The following TRIM35 variants were observed in gnomAD, a reference collection of about 807,000 sequenced individuals.
The protein encoded by TRIM35 is tripartite motif containing 35, also known as E3 ubiquitin-protein ligase TRIM35.
In TRIM35, 37 loss-of-function variants were observed where a neutral mutation model predicts 49.1. The observed-to-expected ratio is 0.75, with a 90% CI of 0.58 to 0.99. The LOEUF (loss-of-function observed/expected upper bound fraction) is 0.99. Ranked by LOEUF, TRIM35 falls within the 50% of genes least tolerant of loss-of-function variation. The probability of loss-of-function intolerance (pLI) is 0.00; values close to 1 mark genes in which losing one functional copy is unlikely to be tolerated. For missense variants in TRIM35, 648 were observed against 702.7 expected (o/e 0.92, Z 0.88); for synonymous variants, 302 against 289.3 (o/e 1.04, Z -0.45).
Position 27,289,140 on chromosome 8 carries a change from A to G in TRIM35, c.904+22T>C, listed in dbSNP as rs753133130. 3 of 1,601,848 alleles carry G rather than the reference A, an allele frequency of 1.9e-6. No individual in the cohort carries two copies. The African/African-American group carries it at 4.0e-5, about 21-fold the overall frequency. On this transcript the variant is annotated intron_variant, in intron 5 of 5. Transcript: ENST00000305364. ...AAGGGCTTCCACCCATGCTTGGGAC[A>G]CCTGCCGGCACCCCCGCTCACCAGA...
chr8:27,294,441 A>G (rs1035617301), intron 2 of TRIM35, 131 bp from the exon 3 acceptor site: 5 of 855,494 alleles, frequency 5.8e-6, no homozygotes, highest in Non-Finnish European at 8.7e-6. Context: ...CAGATAAAAT[A>G]TCAACATAAT....
chr8:27,286,012 T>C lies in TRIM35; in HGVS notation c.*1538A>G. The C allele has an allele frequency of 4.5e-6, 2 of 447,870 alleles. No homozygotes were observed. Among genetic ancestry groups the C allele is most frequent in the South Asian group, 3.2e-5 (2 of 63,488 alleles). The allele number at this position is 447,870 out of a possible 1,614,324, so 27.7% of individuals were successfully genotyped here. ...ATCTAACCAGTGTACACAACATATT[T>C]ATAACCAATTAATACGTGTGAGTCA... On this transcript the variant is annotated 3_prime_UTR_variant, in exon 6 of 6. Transcript: ENST00000305364.
At chr8:27,303,452 T>G (rs1483877639) in intron 1 of TRIM35, among the ~76,000 whole-genome samples, 1 of 152,194 alleles carries the variant, frequency 6.6e-6, no homozygotes, top group Non-Finnish European at 1.5e-5. Flanking sequence ...TGAATGCATC[T>G]AAACAATATT....
At chr8:27,296,329 A>G (rs539415912) in intron 2 of TRIM35, among the ~76,000 whole-genome samples, 53 of 152,182 alleles carry the variant, frequency 3.5e-4, no homozygotes, top group Non-Finnish European at 6.0e-4. Flanking sequence ...CTCCCCAGTA[A>G]TTCTTATCAC....
Position 27,287,470 on chromosome 8 carries a change from G to A in TRIM35, c.*80C>T. ...GGCAAGGAGGCAGGGGCGCAATAGT[G>A]CCCAAGCAGTGTGGGCATTAGGAAG... On this transcript the variant is annotated 3_prime_UTR_variant, in exon 6 of 6. Coordinates refer to ENST00000305364, the MANE Select transcript of TRIM35 (RefSeq NM_171982.5). The surrounding 1 kb of genome is among the most constrained non-coding windows in gnomAD (Gnocchi z 6.0). 34 of 1,417,330 alleles carry A rather than the reference G, an allele frequency of 2.4e-5. No homozygotes were observed. Among genetic ancestry groups the A allele is most frequent in the Non-Finnish European group, 3.1e-5 (33 of 1,060,954 alleles). The allele number at this position is 1,417,330 out of a possible 1,614,324, so 87.8% of individuals were successfully genotyped here.
At chr8:27,290,910 G>A (rs1224245005) in intron 3 of TRIM35, among the ~76,000 whole-genome samples, 2 of 151,844 alleles carry the variant, frequency 1.3e-5, no homozygotes, top group Admixed American at 6.6e-5. Context: ...TATAAAAACA[G>A]GCACTGAGAT....
chr8:27,288,726 C>T (rs759546375), intron 5 of TRIM35, among the ~76,000 whole-genome samples: 7 of 152,194 alleles, frequency 4.6e-5, no homozygotes, highest in Non-Finnish European at 7.3e-5. Flanking sequence ...TTAACACTCA[C>T]ACGACCAAGG....
chr8:27,295,129 A>G (rs1255379947), intron 2 of TRIM35, among the ~76,000 whole-genome samples: 1 of 152,198 alleles, frequency 6.6e-6, no homozygotes, highest in Non-Finnish European at 1.5e-5. Context: ...CAGCCTCACA[A>G]AAAGTTTTTT....
chr8:27,305,144 G>C (rs1194542362), intron 1 of TRIM35, among the ~76,000 whole-genome samples: 1 of 152,256 alleles, frequency 6.6e-6, no homozygotes. Flanking sequence ...GCTTACATGA[G>C]AGTGGCAGGC....
intron 1 of TRIM35, among the ~76,000 whole-genome samples, chr8:27,309,256 T>C (rs1206738341): frequency 6.6e-6 from 1 of 152,152 alleles, no homozygotes; most frequent in East Asian, 1.9e-4. Flanking sequence ...CCATGATCCC[T>C]CCTTTACCTG....
rs1302184138 is a variant in TRIM35 at position 27,286,183 on chromosome 8, A to G, written c.*1367T>C. On this transcript the variant is annotated 3_prime_UTR_variant, in exon 6 of 6. Coordinates refer to ENST00000305364, the MANE Select transcript of TRIM35 (RefSeq NM_171982.5). ...CTTTTATGATGCCACTTCCTGGGAC[A>G]TGATGAGCTGAAGATTAAAAACTCT... 2 of 456,314 alleles carry G rather than the reference A, an allele frequency of 4.4e-6. No homozygotes were observed. The highest frequency in any genetic ancestry group is 8.8e-6 in the Non-Finnish European group (2 of 226,962). The allele number at this position is 456,314 out of a possible 1,614,324, so 28.3% of individuals were successfully genotyped here.
chr8:27,291,058 CAAAAAA>C (rs56953962), intron 3 of TRIM35, among the ~76,000 whole-genome samples: 2 of 50,620 alleles, frequency 4.0e-5, no homozygotes, highest in Admixed American at 2.0e-4. Context: ...TGTTGACATG[CAAAAAA>C]AAAAAAAAAA....
At position 27,287,573 on chromosome 8, in the gene TRIM35, C is replaced by T. The variant is rs546952156; in HGVS notation, c.1459G>A (p.Val487Ile). 6.3e-7 allele frequency: 1 copy of T among 1,593,714 alleles called. No individual in the cohort carries two copies. Among genetic ancestry groups the T allele is most frequent in the Admixed American group, 1.7e-5 (1 of 57,796 alleles). The change falls in exon 6 of 6, where the codon GTC becomes ATC. Residue 487 changes from valine to isoleucine, a missense_variant. Val to Ile is a conservative substitution (Grantham distance 29). Transcript: ENST00000305364. The surrounding 1 kb of genome is among the most constrained non-coding windows in gnomAD (Gnocchi z 6.0). The part of the protein sequence containing the change: ...PLRICPLHIS[V>I]KEELDG ...GCTCAGCCATCCAGTTCTTCCTTGA[C>T]ACTGATGTGCAAGGGGCAGATGCGC...
intron 1 of TRIM35, among the ~76,000 whole-genome samples, chr8:27,306,419 G>A (rs538925765): frequency 4.8e-4 from 72 of 150,250 alleles, no homozygotes; most frequent in African/African-American, 1.5e-3. Context: ...TCCATCTCCC[G>A]GGTTTAAGCG....
At position 27,294,187 on chromosome 8, in the gene TRIM35, G is replaced by T; in HGVS notation, c.655C>A (p.Leu219Met). Residue 219 changes from leucine (L) to methionine (M), a missense_variant, in exon 3 of 6, where the codon CTG (leucine) becomes ATG (methionine). Leu to Met is a conservative substitution (Grantham distance 15, BLOSUM62 2). Transcript: ENST00000305364. ...AGCTGCTTCATCTTCTCGTCGGCCA[G>T]AAGTTGCTTCTGCCTTGTCTCCTCG... The part of the protein sequence containing the change: ...MAEETRQKQL[L>M]ADEKMKQLTE... 1 of 1,614,236 alleles carries T rather than the reference G, an allele frequency of 6.2e-7. No individual in the cohort carries two copies. Among genetic ancestry groups the T allele is most frequent in the Non-Finnish European group, 8.5e-7 (1 of 1,180,050 alleles).
In TRIM35 at chr8:27,288,020, G is replaced by A. The variant is rs760754715; in HGVS notation, c.1012C>T (p.Arg338Cys). 26 of 1,613,634 alleles carry A rather than the reference G, an allele frequency of 1.6e-5. No homozygotes were observed. The highest frequency in any genetic ancestry group is 2.7e-5 in the African/African-American group (2 of 75,060). Reference protein sequence around the residue: ...GYRVQVENPERFSSAPCLLGS... With the variant: ...GYRVQVENPECFSSAPCLLGS... ...AGCAGGCAGGGCGCCGAGGAGAAGC[G>A]TTCCGGGTTCTCCACCTGCACGCGG... The change falls in exon 6 of 6, where the codon CGC becomes TGC. Residue 338 changes from arginine to cysteine, a missense_variant. Arg to Cys is a radical substitution (Grantham distance 180). Transcript: ENST00000305364.
chr8:27,291,779 T>G (rs1802459984), intron 3 of TRIM35, among the ~76,000 whole-genome samples: 1 of 152,216 alleles, frequency 6.6e-6, no homozygotes, highest in Admixed American at 6.5e-5. Flanking sequence ...CAGCATCTGA[T>G]GAGAGCCCTC....
Position 27,300,025 on chromosome 8 carries a change from C to G in TRIM35, c.436-1466G>C, listed in dbSNP as rs147909433. ...ACAAAGGCTGTGTACACCCTGCCTT[C>G]CTCTCTCTAGCTTGCTCACTGGGAT... On this transcript the variant is annotated intron_variant, in intron 1 of 5. Coordinates refer to ENST00000305364, the MANE Select transcript of TRIM35 (RefSeq NM_171982.5). 5.0e-3 allele frequency among the ~76,000 whole-genome samples: 764 copies of G among 152,302 alleles called. 9 individuals are homozygous for G. Among genetic ancestry groups the G allele is most frequent in the African/African-American group, 0.018 (740 of 41,546 alleles).
Position 27,310,965 on chromosome 8 carries a change from G to T in TRIM35, c.271C>A (p.Arg91Ser). The T allele has an allele frequency of 1.2e-6, 2 of 1,612,366 alleles. No homozygotes were observed. Among genetic ancestry groups the T allele is most frequent in the Non-Finnish European group, 1.7e-6 (2 of 1,179,600 alleles). Reference sequence around the variant, plus strand: ...CGCGAGAAGCGGTAGCTGGTCCAGCGCGCGCCCTCGGCCTCCTCGCGCAGC... The same window carrying T: ...CGCGAGAAGCGGTAGCTGGTCCAGCTCGCGCCCTCGGCCTCCTCGCGCAGC... ...KLLREEAEGARWTSYRFSRVC... is the reference protein window; with the variant it reads ...KLLREEAEGASWTSYRFSRVC... Residue 91 changes from arginine to serine, a missense_variant, in exon 1 of 6, where the codon CGC becomes AGC. By Grantham distance (110) the Arg-to-Ser change is moderately radical. Transcript: ENST00000305364.
Sources: allele counts gnomAD v4.1 joint callset (sites outside exome capture counted in the v4.1 genomes callset), GRCh38; gene constraint gnomAD v4.1.1; non-coding constraint Gnocchi (gnomAD v3.1); transcripts MANE v1.5; gene names NCBI Gene and HGNC (gene_info 2026-07-23, HGNC 2026-07-21).